The following ERCC8 variants were observed in gnomAD, a reference collection of about 807,000 sequenced individuals.
The protein encoded by ERCC8 is ERCC excision repair 8, CSA ubiquitin ligase complex subunit, also known as DNA excision repair protein ERCC-8.
In ERCC8, 52 loss-of-function variants were observed where a neutral mutation model predicts 54.9. The observed-to-expected ratio is 0.95, with a 90% CI of 0.76 to 1.19. The LOEUF is 1.19. Among genes scored for constraint, ERCC8 ranks in the 50% most tolerant of loss-of-function variants. The pLI, the probability that ERCC8 is intolerant of heterozygous loss-of-function variation, is 0.00. For synonymous variants in ERCC8, 146 were observed against 157.2 expected (o/e 0.93, Z 0.53); for missense variants, 514 against 466.1 (o/e 1.10, Z -0.95).
chr5:60,877,512 G>T (rs1023764717), intron 11 of ERCC8, among the ~76,000 whole-genome samples: 2 of 152,194 alleles, frequency 1.3e-5, no homozygotes, highest in Admixed American at 6.5e-5. Flanking sequence ...CATGAGCATG[G>T]AATGTTCTTC....
At position 60,870,817 on chromosome 5, in the gene ERCC8, T is replaced by C. The variant is rs1747847761; in HGVS notation, c.*3798A>G. On this transcript the variant is annotated 3_prime_UTR_variant, in exon 12 of 12. Coordinates refer to ENST00000676185, the MANE Select transcript of ERCC8 (RefSeq NM_000082.4). ...GCTGAGAAAAGGTTTGGACCTTCATTGAAAGAGCTCCCAAGAAGTCTAAGA... is the reference window on the plus strand; with the variant it reads ...GCTGAGAAAAGGTTTGGACCTTCATCGAAAGAGCTCCCAAGAAGTCTAAGA... Among the ~76,000 whole-genome samples, 1 of 152,120 alleles carries C rather than the reference T, an allele frequency of 6.6e-6. No individual in the cohort carries two copies. The highest frequency in any genetic ancestry group is 6.5e-5 in the Admixed American group (1 of 15,270).
At chr5:60,892,538 G>T (rs1157831738) in intron 9 of ERCC8, 3 of 632,444 alleles carry the variant, frequency 4.7e-6, no homozygotes, top group Non-Finnish European at 9.1e-6. Flanking sequence ...GCTCCTGACT[G>T]TGTAAGTCTC....
At chr5:60,918,679 T>C in intron 3 of ERCC8, 1 of 376,656 alleles carries the variant, frequency 2.7e-6, no homozygotes, top group Non-Finnish European at 5.0e-6. Context: ...ACACTGGTCT[T>C]CTTTCATCTT....
intron 7 of ERCC8, among the ~76,000 whole-genome samples, chr5:60,900,457 A>G (rs1438981370): frequency 6.6e-6 from 1 of 151,960 alleles, no homozygotes; most frequent in African/African-American, 2.4e-5. Context: ...GGACCTCAAC[A>G]ATATTGTAAC....
intron 4 of ERCC8, among the ~76,000 whole-genome samples, chr5:60,912,085 G>T (rs1216056444): frequency 6.6e-6 from 1 of 151,924 alleles, no homozygotes; most frequent in Non-Finnish European, 1.5e-5. Flanking sequence ...GCTCTTTTTT[G>T]GTTTCATATG....
intron 4 of ERCC8, among the ~76,000 whole-genome samples, chr5:60,912,273 A>C (rs1157572801): frequency 6.6e-6 from 1 of 152,106 alleles, no homozygotes; most frequent in Non-Finnish European, 1.5e-5. Context: ...TTCATTGAGC[A>C]GTGGTTTGTA....
At chr5:60,882,589 A>G (rs1035257906) in intron 11 of ERCC8, among the ~76,000 whole-genome samples, 2 of 151,884 alleles carry the variant, frequency 1.3e-5, no homozygotes, top group African/African-American at 4.8e-5. Flanking sequence ...GGGTTTCACC[A>G]TATTGGCTAG....
chr5:60,916,197 G>C (rs1282673180), intron 4 of ERCC8, among the ~76,000 whole-genome samples: 1 of 152,024 alleles, frequency 6.6e-6, no homozygotes, highest in Non-Finnish European at 1.5e-5. Context: ...TCTTCTTTCT[G>C]TGATCTTGAC....
chr5:60,878,872 G>C (rs1426337971), intron 11 of ERCC8, among the ~76,000 whole-genome samples: 1 of 152,114 alleles, frequency 6.6e-6, no homozygotes, highest in Non-Finnish European at 1.5e-5. Flanking sequence ...ATTTCCTTCA[G>C]TTCTGCTCTG....
chr5:60,944,706 C>CA (rs1750375109), intron 1 of ERCC8, among the ~76,000 whole-genome samples: 1 of 6,322 alleles, frequency 1.6e-4, no homozygotes, highest in Admixed American at 2.0e-3. Context: ...CGCGGGGGAA[C>CA]CCCCCCCCCA....
chr5:60,870,180 G>A lies in ERCC8; in HGVS notation c.*4435C>T, dbSNP rs191483642. 9.8e-4 allele frequency among the ~76,000 whole-genome samples: 149 copies of A among 152,114 alleles called. No individual in the cohort carries two copies. Among genetic ancestry groups the A allele is most frequent in the Non-Finnish European group, 1.6e-3 (111 of 68,020 alleles). On this transcript the variant is annotated 3_prime_UTR_variant, in exon 12 of 12. Transcript: ENST00000676185. ...AGTCTCCCCTAATTATCACAGTCAG[G>A]CCTGAATTAGTAACCTTGAATATCA...
intron 4 of ERCC8, among the ~76,000 whole-genome samples, chr5:60,916,145 A>G (rs908702895): frequency 2.0e-5 from 3 of 152,040 alleles, no homozygotes; most frequent in Admixed American, 1.3e-4. Context: ...TATCTCAAAG[A>G]AAAAACCAGT....
chr5:60,867,439 T>C lies in ERCC8; in HGVS notation c.*7176A>G, dbSNP rs1157199494. Among the ~76,000 whole-genome samples the C allele has an allele frequency of 6.6e-6, 1 of 152,068 alleles. No individual in the cohort carries two copies. The highest frequency in any genetic ancestry group is 6.6e-5 in the Admixed American group (1 of 15,258). On this transcript the variant is annotated 3_prime_UTR_variant, in exon 12 of 12. Coordinates refer to ENST00000676185, the MANE Select transcript of ERCC8 (RefSeq NM_000082.4). ...CTGGCCTTATTTCTTTATAAAGCCA[T>C]TACAATGAAAAAAATAATCTTACCA...
chr5:60,937,078 G>C (rs1398440546), intron 1 of ERCC8, among the ~76,000 whole-genome samples: 3 of 152,210 alleles, frequency 2.0e-5, no homozygotes, highest in African/African-American at 4.8e-5. Context: ...AGAGCTACTG[G>C]GGTCTGGTTG....
At chr5:60,921,911 T>C in intron 3 of ERCC8, 143 bp downstream of exon 3, 1 of 505,664 alleles carries the variant, frequency 2.0e-6, no homozygotes, top group Non-Finnish European at 3.5e-6. Flanking sequence ...TTCAAGAAAG[T>C]GTCAAGGAAC....
chr5:60,937,985 T>C (rs1750117462), intron 1 of ERCC8, among the ~76,000 whole-genome samples: 1 of 149,884 alleles, frequency 6.7e-6, no homozygotes, highest in Admixed American at 6.7e-5. Flanking sequence ...ATATTCTTTT[T>C]GTTCAATGAG....
intron 4 of ERCC8, among the ~76,000 whole-genome samples, chr5:60,906,402 G>T (rs1009768133): frequency 6.6e-6 from 1 of 151,964 alleles, no homozygotes; most frequent in Non-Finnish European, 1.5e-5. Flanking sequence ...CTTTACAAAG[G>T]TGGTTGAGTT....
At chr5:60,921,684 T>C (rs570762468) in intron 3 of ERCC8, among the ~76,000 whole-genome samples, 3 of 152,034 alleles carry the variant, frequency 2.0e-5, no homozygotes, top group Admixed American at 2.0e-4. Flanking sequence ...GGTGAAAATC[T>C]AATTTGTGTT....
At chr5:60,875,559 A>G (rs973811285) in intron 11 of ERCC8, among the ~76,000 whole-genome samples, 4 of 152,216 alleles carry the variant, frequency 2.6e-5, no homozygotes, top group African/African-American at 9.6e-5. Flanking sequence ...GTAATTGGGT[A>G]TTATGAGCCA....
Sources: gnomAD v4.1 joint callset for allele counts (sites outside exome capture counted in the v4.1 genomes callset) on GRCh38, gnomAD v4.1.1 for gene constraint, MANE v1.5 for transcripts, NCBI Gene and HGNC (gene_info 2026-07-23, HGNC 2026-07-21) for gene names.